SEMA3E: variants seen among roughly 807,000 people sequenced by gnomAD.
SEMA3E encodes semaphorin-3E.
A neutral mutation model predicts 93.6 loss-of-function variants in SEMA3E; 49 were observed. That is an observed-to-expected ratio of 0.52 (90% CI 0.42 to 0.66). SEMA3E has a LOEUF of 0.66. Among genes scored for constraint, SEMA3E ranks in the 30% least tolerant of loss-of-function variants. The probability of loss-of-function intolerance (pLI) is 0.00; values close to 1 mark genes in which losing one functional copy is unlikely to be tolerated. For synonymous variants in SEMA3E, 363 were observed against 330.7 expected (o/e 1.10, Z -1.06); for missense variants, 906 against 964.8 (o/e 0.94, Z 0.81).
At chr7:83,633,781 T>C (rs1023743181) in intron 1 of SEMA3E, among the ~76,000 whole-genome samples, 16 of 151,934 alleles carry the variant, frequency 1.1e-4, no homozygotes, top group East Asian at 1.9e-4. Context: ...AAAATAGTCA[T>C]TGAGGATAAA....
chr7:83,520,932 T>C lies in SEMA3E; in HGVS notation c.116-30658A>G, dbSNP rs370332512. ...AGCAATCTGCCTTGGCTCTGTTTACTTCTCTACACGTATGGGGCATTAGGT... is the reference window on the plus strand; with the variant it reads ...AGCAATCTGCCTTGGCTCTGTTTACCTCTCTACACGTATGGGGCATTAGGT... On this transcript the variant is annotated intron_variant, in intron 1 of 16. Transcript: ENST00000643230. 4.3e-3 allele frequency among the ~76,000 whole-genome samples: 656 copies of C among 152,322 alleles called. 5 individuals carry two copies. Among genetic ancestry groups the C allele is most frequent in the African/African-American group, 0.015 (614 of 41,574 alleles).
At chr7:83,463,363 C>T (rs1454604378) in intron 4 of SEMA3E, among the ~76,000 whole-genome samples, 2 of 152,196 alleles carry the variant, frequency 1.3e-5, no homozygotes, top group South Asian at 2.1e-4. Context: ...ACAAACTATG[C>T]TCAACTCACT....
chr7:83,422,533 C>T lies in SEMA3E; in HGVS notation c.457-4050G>A, dbSNP rs184961303. 5.9e-5 allele frequency among the ~76,000 whole-genome samples: 9 copies of T among 152,226 alleles called. 1 individual carries two copies. Among genetic ancestry groups the T allele is most frequent in the Non-Finnish European group, 1.2e-4 (8 of 68,008 alleles). On this transcript the variant is annotated intron_variant, in intron 4 of 16. Transcript: ENST00000643230. The stretch of plus-strand genomic sequence containing the variant: ...ATATGAATATAATACTTGTTTGCCC[C>T]TTTAGTCATTGCCACTTTATACAAT...
At chr7:83,460,692 A>G (rs552737326) in intron 4 of SEMA3E, among the ~76,000 whole-genome samples, 1 of 145,734 alleles carries the variant, frequency 6.9e-6, no homozygotes, top group South Asian at 2.3e-4. Context: ...TTATTTCTGC[A>G]CCCCAATCCC....
At chr7:83,397,985 G>A (rs73169984) in intron 11 of SEMA3E, among the ~76,000 whole-genome samples, 10,867 of 152,110 alleles carry the variant, frequency 0.071, 559 homozygotes, top group Middle Eastern at 0.17. Context: ...TGATTAATTC[G>A]CAATTAGTGA....
At chr7:83,526,106 T>C (rs2115705648) in intron 1 of SEMA3E, among the ~76,000 whole-genome samples, 1 of 152,194 alleles carries the variant, frequency 6.6e-6, no homozygotes, top group East Asian at 1.9e-4. Context: ...AGAACTGGCA[T>C]GAATTCAATG....
At position 83,565,995 on chromosome 7, in the gene SEMA3E, C is replaced by CTTTTTTT. The variant is rs750248438; in HGVS notation, c.116-75728_116-75722dup. On this transcript the variant is annotated intron_variant, in intron 1 of 16. Coordinates refer to ENST00000643230, the MANE Select transcript of SEMA3E (RefSeq NM_012431.3). Reference sequence around the variant, plus strand: ...TTCCTTACTTACCAATGTTTCCACTCTTTTTTTTTTTTTTTTTTTGAGATG... The same window carrying CTTTTTTT: ...TTCCTTACTTACCAATGTTTCCACTCTTTTTTTTTTTTTTTTTTTTTTTTTTGAGATG... Among the ~76,000 whole-genome samples the CTTTTTTT allele has an allele frequency of 5.8e-4, 65 of 112,740 alleles. 2 individuals are homozygous for CTTTTTTT. The highest frequency in any genetic ancestry group is 8.6e-4 in the Non-Finnish European group (50 of 58,024). 74.0% of individuals were successfully genotyped at this position (112,740 alleles called of 152,430 possible).
chr7:83,485,279 A>G (rs1446991947), intron 2 of SEMA3E, among the ~76,000 whole-genome samples: 1 of 152,244 alleles, frequency 6.6e-6, no homozygotes, highest in Non-Finnish European at 1.5e-5. Context: ...ACATACTGCT[A>G]TGTGCCAAGC....
intron 2 of SEMA3E, among the ~76,000 whole-genome samples, chr7:83,485,546 AAAAC>A (rs1257274748): frequency 3.3e-5 from 5 of 152,182 alleles, no homozygotes; most frequent in Admixed American, 2.6e-4. Context: ...TAAATAAAAG[AAAAC>A]AAAACAAAAG....
chr7:83,470,555 T>C (rs1789870373), intron 2 of SEMA3E, among the ~76,000 whole-genome samples: 1 of 152,142 alleles, frequency 6.6e-6, no homozygotes. Flanking sequence ...AAAAGGTCCC[T>C]CTTTTATTTT....
chr7:83,489,147 G>A (rs968423173), intron 2 of SEMA3E, among the ~76,000 whole-genome samples: 2 of 152,086 alleles, frequency 1.3e-5, no homozygotes, highest in African/African-American at 4.8e-5. Context: ...GTGATTGGAG[G>A]GTTGCTGATG....
At chr7:83,400,564 C>T (rs946088657) in intron 10 of SEMA3E, among the ~76,000 whole-genome samples, 1 of 151,918 alleles carries the variant, frequency 6.6e-6, no homozygotes, top group Non-Finnish European at 1.5e-5. Flanking sequence ...TCAAGCAGGC[C>T]CCTACATCTG....
At position 83,386,872 on chromosome 7, in the gene SEMA3E, T is replaced by A. The variant is rs1448689809; in HGVS notation, c.1735+111A>T. ...GAGAAAAAGAATACTTATTACATTG[T>A]TCTAGTATACATGAATCACAAAGAA... On this transcript the variant is annotated intron_variant, in intron 15 of 16. Transcript: ENST00000643230. 2 of 965,966 alleles carry A rather than the reference T, an allele frequency of 2.1e-6. 1 individual carries two copies. The highest frequency in any genetic ancestry group is 3.2e-6 in the Non-Finnish European group (2 of 618,296). The allele number at this position is 965,966 out of a possible 1,614,324, so 59.8% of individuals were successfully genotyped here.
At chr7:83,487,973 A>G (rs1447238641) in intron 2 of SEMA3E, among the ~76,000 whole-genome samples, 1 of 152,076 alleles carries the variant, frequency 6.6e-6, no homozygotes, top group Admixed American at 6.6e-5. Flanking sequence ...TAAAAACTCT[A>G]AAACATATGG....
Position 83,421,559 on chromosome 7 carries a change from A to G in SEMA3E, c.457-3076T>C, listed in dbSNP as rs559942395. On this transcript the variant is annotated intron_variant, in intron 4 of 16. Transcript: ENST00000643230. ...AACTTGTATAAAAAACTAATTTAAAATAGAACATCATGATATTGCTCAATT... is the reference window on the plus strand; with the variant it reads ...AACTTGTATAAAAAACTAATTTAAAGTAGAACATCATGATATTGCTCAATT... Among the ~76,000 whole-genome samples the G allele has an allele frequency of 2.1e-5, 3 of 142,366 alleles. 1 individual carries two copies. The South Asian group carries it at 7.0e-4, about 33-fold the overall frequency. 93.4% of individuals were successfully genotyped at this position (142,366 alleles called of 152,430 possible). A position where few individuals can be genotyped will look rare whatever the true frequency, so the allele number is the denominator to read the frequency against.
At chr7:83,458,699 T>G (rs1014960831) in intron 4 of SEMA3E, among the ~76,000 whole-genome samples, 2 of 151,834 alleles carry the variant, frequency 1.3e-5, no homozygotes, top group Admixed American at 1.3e-4. Flanking sequence ...AGTAGCACAT[T>G]GGAGATATCA....
intron 1 of SEMA3E, among the ~76,000 whole-genome samples, chr7:83,543,011 A>G (rs1791570264): frequency 6.6e-6 from 1 of 152,096 alleles, no homozygotes; most frequent in African/African-American, 2.4e-5. Context: ...AAAGTTTACT[A>G]GTCTTAAGGC....
intron 1 of SEMA3E, among the ~76,000 whole-genome samples, chr7:83,577,873 A>G (rs904873238): frequency 6.6e-6 from 1 of 152,078 alleles, no homozygotes; most frequent in Non-Finnish European, 1.5e-5. Context: ...TAATCTCATA[A>G]CATTTATATT....
At chr7:83,497,387 C>T (rs1374343388) in intron 1 of SEMA3E, among the ~76,000 whole-genome samples, 1 of 152,068 alleles carries the variant, frequency 6.6e-6, no homozygotes, top group Non-Finnish European at 1.5e-5. Flanking sequence ...TAAAGACTTC[C>T]TAAGACTCAA....
Sources: gnomAD v4.1 joint callset for allele counts (sites outside exome capture counted in the v4.1 genomes callset) on GRCh38, gnomAD v4.1.1 for gene constraint, MANE v1.5 for transcripts, NCBI Gene and HGNC (gene_info 2026-07-23, HGNC 2026-07-21) for gene names.